PCDHA9: variants seen among roughly 807,000 people sequenced by gnomAD.
The protein encoded by PCDHA9 is protocadherin alpha 9.
PCDHA9 carries 62 observed loss-of-function variants against 62.0 expected under a neutral mutation model. The observed-to-expected ratio is 1.00, with a 90% CI of 0.81 to 1.23. The LOEUF (loss-of-function observed/expected upper bound fraction) is 1.23. Among genes scored for constraint, PCDHA9 ranks in the 50% most tolerant of loss-of-function variants. The pLI is 0.00. For missense variants in PCDHA9, 1,205 were observed against 1,249.8 expected (o/e 0.96, Z 0.54); for synonymous variants, 557 against 567.6 (o/e 0.98, Z 0.27).
chr5:140,966,925 A>C (rs782069766), intron 1 of PCDHA9: 1 of 1,603,462 alleles, frequency 6.2e-7, no homozygotes, highest in Non-Finnish European at 8.5e-7. Context: ...AGGAGCAGGC[A>C]CCCGGCGCGC....
At chr5:140,856,879 G>A in intron 1 of PCDHA9, 1 of 1,593,884 alleles carries the variant, frequency 6.3e-7, no homozygotes, top group Non-Finnish European at 8.6e-7. Context: ...AGGAAATGAT[G>A]TATTCATTTA....
At chr5:140,930,649 G>A (rs1300720133) in intron 1 of PCDHA9, among the ~76,000 whole-genome samples, 1 of 152,156 alleles carries the variant, frequency 6.6e-6, no homozygotes, top group Non-Finnish European at 1.5e-5. Context: ...GGAAAATGAA[G>A]CATTCCTTGT....
chr5:140,971,040 A>G (rs1554232989), intron 1 of PCDHA9, among the ~76,000 whole-genome samples: 2 of 152,194 alleles, frequency 1.3e-5, no homozygotes, highest in Non-Finnish European at 2.9e-5. Flanking sequence ...AAGCACGTAA[A>G]AGGGTTTAGC....
intron 1 of PCDHA9, chr5:140,968,057 C>T (rs781959040): frequency 1.5e-5 from 24 of 1,613,992 alleles, no homozygotes; most frequent in East Asian, 6.7e-5. Context: ...GGACCGAGAG[C>T]GGGTGGCTGT....
rs2040993200 is a variant in PCDHA9, at chr5:140,849,613, G to C, written c.1118G>C (p.Ser373Thr). 2 of 1,598,764 alleles carry C rather than the reference G, an allele frequency of 1.3e-6. No homozygotes were observed. Among genetic ancestry groups the C allele is most frequent in the Non-Finnish European group, 1.7e-6 (2 of 1,168,002 alleles). ...CTGGGGACAGTTATTGCCCTGATTA[G>C]TGTGATCGACCTAGACGCAGATGCC... ...AQLGTVIALI[S>T]VIDLDADANG... The change falls in exon 1 of 4, where the codon AGT (serine) becomes ACT (threonine). Residue 373 changes from serine to threonine, a missense_variant. Physicochemically the swap from Ser to Thr is moderately conservative, Grantham distance 58 (BLOSUM62 1). Around this residue, in one of 3 missense-constraint regions of PCDHA9, gnomAD observed 887 missense variants for 809.5 expected, o/e 1.10. Coordinates refer to ENST00000532602, the MANE Select transcript of PCDHA9 (RefSeq NM_031857.2).
chr5:140,859,473 G>T (rs1486992699), intron 1 of PCDHA9: 1 of 209,794 alleles, frequency 4.8e-6, no homozygotes, highest in Non-Finnish European at 9.3e-6. Context: ...ACTATCAATT[G>T]TGTTTTCCTG....
At chr5:140,987,316 G>A (rs13153056) in intron 3 of PCDHA9, among the ~76,000 whole-genome samples, 9,624 of 152,218 alleles carry the variant, frequency 0.063, 338 homozygotes, top group East Asian at 0.12. Flanking sequence ...AATGTACTGT[G>A]AAGTTTTAAG....
chr5:140,914,944 C>CT (rs35695909), intron 1 of PCDHA9, among the ~76,000 whole-genome samples: 3,966 of 128,238 alleles, frequency 0.031, 97 homozygotes, highest in Middle Eastern at 0.041. Context: ...GAAAAGTTGT[C>CT]TTTTTTTTTT....
At position 140,857,848 on chromosome 5, in the gene PCDHA9, T is replaced by C. The variant is rs781886791; in HGVS notation, c.2394+6959T>C. The C allele has an allele frequency of 1.4e-5, 23 of 1,597,666 alleles. No homozygotes were observed. The highest frequency in any genetic ancestry group is 1.9e-5 in the Non-Finnish European group (22 of 1,167,550). The stretch of plus-strand genomic sequence containing the variant: ...AGGTGCGCGCAGTGGACGCTGACTC[T>C]GGATACAACGCGTGGCTGTCGTATG... On this transcript the variant is annotated intron_variant, in intron 1 of 3. Coordinates refer to ENST00000532602, the MANE Select transcript of PCDHA9 (RefSeq NM_031857.2).
chr5:140,993,346 G>A (rs2097551194), intron 3 of PCDHA9, among the ~76,000 whole-genome samples: 2 of 151,820 alleles, frequency 1.3e-5, no homozygotes, highest in Non-Finnish European at 1.5e-5. Context: ...AGGGCACTAC[G>A]AAGATCCTCA....
At chr5:140,918,432 T>C (rs1462854272) in intron 1 of PCDHA9, among the ~76,000 whole-genome samples, 2 of 152,204 alleles carry the variant, frequency 1.3e-5, no homozygotes, top group Non-Finnish European at 2.9e-5. Context: ...GGATGTTGAA[T>C]AGGAGTGGTG....
chr5:140,869,963 A>G lies in PCDHA9; in HGVS notation c.2394+19074A>G, dbSNP rs782588471. 11 of 1,613,128 alleles carry G rather than the reference A, an allele frequency of 6.8e-6. No homozygotes were observed. Among genetic ancestry groups the G allele is most frequent in the East Asian group, 2.2e-5 (1 of 44,874 alleles). On this transcript the variant is annotated intron_variant, in intron 1 of 3. Coordinates refer to ENST00000532602, the MANE Select transcript of PCDHA9 (RefSeq NM_031857.2). ...TACTCCTTAATGTCAATTAAGCCCA[A>G]TGGAAGACACTTATTTACACTAGAT...
At position 140,882,987 on chromosome 5, in the gene PCDHA9, C is replaced by T; in HGVS notation, c.2394+32098C>T. The T allele has an allele frequency of 1.9e-6, 3 of 1,614,110 alleles. No individual in the cohort carries two copies. The highest frequency in any genetic ancestry group is 1.7e-6 in the Non-Finnish European group (2 of 1,180,042). ...ATTCTGGACGTGAATGACAACGCCC[C>T]GGAATTTTACCAATCCGTTTATAAA... is the stretch of plus-strand genomic sequence containing the variant. On this transcript the variant is annotated intron_variant, in intron 1 of 3. Coordinates refer to ENST00000532602, the MANE Select transcript of PCDHA9 (RefSeq NM_031857.2).
At chr5:140,892,980 G>T (rs568292110) in intron 1 of PCDHA9, among the ~76,000 whole-genome samples, 192 of 152,148 alleles carry the variant, frequency 1.3e-3, no homozygotes, top group African/African-American at 4.5e-3. Flanking sequence ...TGTAGCTGCC[G>T]TATAAGTGAG....
chr5:140,956,132 C>T (rs782171826), intron 1 of PCDHA9, among the ~76,000 whole-genome samples: 1 of 152,028 alleles, frequency 6.6e-6, no homozygotes, highest in African/African-American at 2.4e-5. Context: ...ATTTGAATAC[C>T]CTTTATTTCT....
chr5:140,897,970 G>A (rs561364842), intron 1 of PCDHA9, among the ~76,000 whole-genome samples: 10 of 152,210 alleles, frequency 6.6e-5, no homozygotes, highest in Admixed American at 2.6e-4. Context: ...TGTGTCTTTT[G>A]GCTGCATAAA....
chr5:140,956,599 G>A (rs782510228), intron 1 of PCDHA9, among the ~76,000 whole-genome samples: 4 of 152,186 alleles, frequency 2.6e-5, no homozygotes, highest in Non-Finnish European at 5.9e-5. Flanking sequence ...AGGGATATCA[G>A]CTGGAAGTTT....
At chr5:140,992,186 A>G (rs1436291226) in intron 3 of PCDHA9, among the ~76,000 whole-genome samples, 1 of 152,166 alleles carries the variant, frequency 6.6e-6, no homozygotes, top group East Asian at 1.9e-4. Context: ...TCATGCTTTC[A>G]GTGATCTATC....
At chr5:140,986,618 C>T (rs782259734) in intron 3 of PCDHA9, among the ~76,000 whole-genome samples, 2 of 152,134 alleles carry the variant, frequency 1.3e-5, no homozygotes, top group African/African-American at 2.4e-5. Flanking sequence ...TCAGGCCTTA[C>T]CTAAGGCAAC....
Sources: allele counts gnomAD v4.1 joint callset (sites outside exome capture counted in the v4.1 genomes callset), GRCh38; gene constraint gnomAD v4.1.1; regional missense constraint gnomAD v4.1.1; transcripts MANE v1.5; gene names NCBI Gene and HGNC (gene_info 2026-07-23, HGNC 2026-07-21).